IGSF11: variants seen among roughly 807,000 people sequenced by gnomAD.
IGSF11 encodes immunoglobulin superfamily member 11.
In IGSF11, 22 loss-of-function variants were observed where a neutral mutation model predicts 41.0. That is an observed-to-expected ratio of 0.54 (90% CI 0.38 to 0.77). IGSF11 has a LOEUF of 0.77. Ranked by LOEUF, IGSF11 falls within the 30% of genes least tolerant of loss-of-function variation. The probability of loss-of-function intolerance (pLI) is 0.00; values close to 1 mark genes in which losing one functional copy is unlikely to be tolerated. For missense variants in IGSF11, 444 were observed against 530.8 expected (o/e 0.84, Z 1.61); for synonymous variants, 219 against 201.3 (o/e 1.09, Z -0.74).
chr3:119,049,720 G>C lies in IGSF11; in HGVS notation c.49+55424C>G, dbSNP rs563410478. On this transcript the variant is annotated intron_variant, in intron 1 of 6. Transcript: ENST00000354673. Reference sequence around the variant, plus strand: ...ATCCTAAGCCAAAAGAACAAAGCTGGAGGCATCACACTACCTGAATTCAAA... The same window carrying C: ...ATCCTAAGCCAAAAGAACAAAGCTGCAGGCATCACACTACCTGAATTCAAA... 8.5e-5 allele frequency among the ~76,000 whole-genome samples: 13 copies of C among 152,184 alleles called. No individual in the cohort carries two copies. The East Asian group carries it at 1.2e-3, about 14-fold the overall frequency.
intron 1 of IGSF11, among the ~76,000 whole-genome samples, chr3:118,958,082 G>A (rs2107595810): frequency 6.6e-6 from 1 of 152,302 alleles, no homozygotes; most frequent in African/African-American, 2.4e-5. Flanking sequence ...ACTTAACAGT[G>A]CCTATTCTAG....
intron 1 of IGSF11, among the ~76,000 whole-genome samples, chr3:119,103,214 G>A (rs538820327): frequency 2.0e-5 from 3 of 152,176 alleles, no homozygotes; most frequent in African/African-American, 4.8e-5. Flanking sequence ...AGCCAGGATG[G>A]TCTCGATCTC....
At chr3:119,047,985 T>C (rs373131128) in intron 1 of IGSF11, among the ~76,000 whole-genome samples, 13 of 151,864 alleles carry the variant, frequency 8.6e-5, no homozygotes, top group Admixed American at 4.6e-4. Context: ...ATCTCTGGGA[T>C]ACATTCAAAG....
intron 1 of IGSF11, among the ~76,000 whole-genome samples, chr3:119,123,642 TC>T (rs2077362354): frequency 6.6e-6 from 1 of 152,118 alleles, no homozygotes; most frequent in Non-Finnish European, 1.5e-5. Flanking sequence ...CACTCCCAGC[TC>T]CAGGAAGCTC....
At chr3:119,096,066 A>T (rs1246873561) in intron 1 of IGSF11, among the ~76,000 whole-genome samples, 1 of 152,034 alleles carries the variant, frequency 6.6e-6, no homozygotes, top group Non-Finnish European at 1.5e-5. Flanking sequence ...TTATTTATTT[A>T]TTTATATTTA....
At chr3:119,126,687 C>T (rs573325268) in intron 1 of IGSF11, among the ~76,000 whole-genome samples, 2 of 152,276 alleles carry the variant, frequency 1.3e-5, no homozygotes, top group East Asian at 3.9e-4. Context: ...CTTGGCTGCT[C>T]TCCAGACTCC....
At chr3:118,928,415 G>T in intron 3 of IGSF11, 94 bp downstream of exon 3, 1 of 880,038 alleles carries the variant, frequency 1.1e-6, no homozygotes, top group Non-Finnish European at 1.9e-6. Context: ...AACATAAGCA[G>T]ACTGAAGGTG....
At chr3:118,972,728 G>A (rs1933586112) in intron 1 of IGSF11, among the ~76,000 whole-genome samples, 1 of 152,208 alleles carries the variant, frequency 6.6e-6, no homozygotes, top group South Asian at 2.1e-4. Flanking sequence ...TCAAGGATAA[G>A]TGAAACATTT....
At chr3:119,027,825 T>C (rs1314135358) in intron 1 of IGSF11, among the ~76,000 whole-genome samples, 1 of 152,182 alleles carries the variant, frequency 6.6e-6, no homozygotes. Context: ...TCAACAAGGC[T>C]ATCTATATTT....
intron 1 of IGSF11, among the ~76,000 whole-genome samples, chr3:118,962,487 G>A (rs562189952): frequency 6.6e-6 from 1 of 152,264 alleles, no homozygotes; most frequent in South Asian, 2.1e-4. Context: ...CAAGCACTCT[G>A]GAGAGGTCAC....
intron 1 of IGSF11, among the ~76,000 whole-genome samples, chr3:118,955,219 T>TACACACAC (rs34044399): frequency 5.5e-5 from 8 of 144,504 alleles, no homozygotes; most frequent in Middle Eastern, 3.5e-3. Context: ...TATATGTACA[T>TACACACAC]ACACACACAC....
At chr3:118,922,139 A>G (rs1187612190) in intron 4 of IGSF11, among the ~76,000 whole-genome samples, 2 of 152,114 alleles carry the variant, frequency 1.3e-5, no homozygotes, top group Admixed American at 1.3e-4. Context: ...AATCAAAAAG[A>G]CTTTATTCCA....
intron 1 of IGSF11, among the ~76,000 whole-genome samples, chr3:119,045,191 G>A (rs1028644146): frequency 6.6e-5 from 10 of 152,218 alleles, no homozygotes; most frequent in East Asian, 1.9e-4. Flanking sequence ...CAGCGTGAGC[G>A]ACACAGAATA....
intron 1 of IGSF11, among the ~76,000 whole-genome samples, chr3:119,032,451 A>G (rs1177870409): frequency 1.3e-5 from 2 of 152,208 alleles, no homozygotes; most frequent in African/African-American, 4.8e-5. Context: ...AGGAAACTGA[A>G]CATCAGTACT....
At position 118,902,312 on chromosome 3, in the gene IGSF11, T is replaced by C. The variant is rs1938959393; in HGVS notation, c.*208A>G. On this transcript the variant is annotated 3_prime_UTR_variant, in exon 7 of 7. Transcript: ENST00000393775. ...AGATCCAGCAGAATCCCAGGACATC[T>C]TTGGTGGGGAAGCAAGTCTTCATGA... The C allele has an allele frequency of 1.9e-6, 1 of 517,016 alleles. No individual in the cohort carries two copies. Among genetic ancestry groups the C allele is most frequent in the Non-Finnish European group, 3.4e-6 (1 of 291,464 alleles). The allele number at this position is 517,016 out of a possible 1,614,324, so 32.0% of individuals were successfully genotyped here.
At chr3:119,103,527 C>T (rs1233561004) in intron 1 of IGSF11, among the ~76,000 whole-genome samples, 1 of 152,102 alleles carries the variant, frequency 6.6e-6, no homozygotes, top group African/African-American at 2.4e-5. Context: ...TCTGCTAAGC[C>T]AAGAATTTCT....
At chr3:119,009,923 A>C (rs545661655) in intron 1 of IGSF11, among the ~76,000 whole-genome samples, 1 of 152,344 alleles carries the variant, frequency 6.6e-6, no homozygotes, top group Non-Finnish European at 1.5e-5. Context: ...TTACAGATTA[A>C]ACAATTTAAA....
At chr3:119,108,814 G>C (rs1429741058), upstream of IGSF11, among the ~76,000 whole-genome samples, 1 of 144,712 alleles carries the variant, frequency 6.9e-6, no homozygotes, top group East Asian at 2.0e-4. Context: ...GTTGAATTTT[G>C]TCAAAGGCTT....
chr3:119,060,287 G>A (rs1161311268), intron 1 of IGSF11, among the ~76,000 whole-genome samples: 1 of 152,162 alleles, frequency 6.6e-6, no homozygotes, highest in Non-Finnish European at 1.5e-5. Context: ...CAAAAGAGGT[G>A]AGGAGGGTCC....
Sources: allele counts gnomAD v4.1 joint callset (sites outside exome capture counted in the v4.1 genomes callset), GRCh38; gene constraint gnomAD v4.1.1; transcripts MANE v1.5; gene names NCBI Gene and HGNC (gene_info 2026-07-23, HGNC 2026-07-21).